Variants in PDE11A observed in about 807,000 individuals in gnomAD.
The protein encoded by PDE11A is dual 3',5'-cyclic-AMP and -GMP phosphodiesterase 11A.
A neutral mutation model predicts 100.5 loss-of-function variants in PDE11A; 100 were observed. The observed-to-expected ratio is 1.00, with a 90% confidence interval of 0.85 to 1.18. The LOEUF is 1.18. Ranked by LOEUF, PDE11A falls within the 50% of genes most tolerant of loss-of-function variation. The probability of loss-of-function intolerance (pLI) is 0.00; values close to 1 mark genes in which losing one functional copy is unlikely to be tolerated. For synonymous variants in PDE11A, 381 were observed against 420.8 expected (o/e 0.91, Z 1.16); for missense variants, 1,141 against 1,152.6 (o/e 0.99, Z 0.15).
At chr2:177,852,931 C>T (rs2083740445) in intron 5 of PDE11A, among the ~76,000 whole-genome samples, 1 of 152,202 alleles carries the variant, frequency 6.6e-6, no homozygotes, top group Non-Finnish European at 1.5e-5. Flanking sequence ...GAAATTAACA[C>T]ATGGTGACCA....
chr2:178,006,574 C>A (rs1384063320), intron 2 of PDE11A, among the ~76,000 whole-genome samples: 1 of 152,106 alleles, frequency 6.6e-6, no homozygotes, highest in Admixed American at 6.6e-5. Context: ...GAAGTTTAAC[C>A]TGAGTTCTGG....
chr2:177,637,721 T>C (rs1194791015), intron 19 of PDE11A, among the ~76,000 whole-genome samples: 1 of 150,836 alleles, frequency 6.6e-6, no homozygotes, highest in Non-Finnish European at 1.5e-5. Flanking sequence ...GTCTTTTCCC[T>C]CTGGGACTCT....
At chr2:177,873,455 T>A (rs1473360802) in intron 5 of PDE11A, among the ~76,000 whole-genome samples, 1 of 152,208 alleles carries the variant, frequency 6.6e-6, no homozygotes, top group Non-Finnish European at 1.5e-5. Context: ...TAAATATAGA[T>A]GTGAATATAA....
chr2:177,685,315 G>GA (rs1423256685), intron 15 of PDE11A, among the ~76,000 whole-genome samples: 2 of 152,158 alleles, frequency 1.3e-5, no homozygotes, highest in Non-Finnish European at 2.9e-5. Flanking sequence ...ATCTATTCAG[G>GA]AAAAGCCCTG....
intron 2 of PDE11A, among the ~76,000 whole-genome samples, chr2:177,942,403 A>T (rs944855732): frequency 9.4e-5 from 3 of 31,852 alleles, no homozygotes; most frequent in African/African-American, 1.7e-4. Context: ...ATTTTTTAAA[A>T]TTATTTTTTT....
intron 1 of PDE11A, among the ~76,000 whole-genome samples, chr2:178,061,815 T>C (rs1268830956): frequency 1.3e-5 from 2 of 152,256 alleles, no homozygotes; most frequent in Non-Finnish European, 2.9e-5. Flanking sequence ...TGGTTGATCC[T>C]GATTCTTTTT....
intron 2 of PDE11A, among the ~76,000 whole-genome samples, chr2:177,991,726 A>C (rs930721690): frequency 6.6e-6 from 1 of 151,376 alleles, no homozygotes; most frequent in Non-Finnish European, 1.5e-5. Context: ...AAGTCACATC[A>C]AACAACTTTT....
intron 10 of PDE11A, among the ~76,000 whole-genome samples, chr2:177,768,165 C>G (rs1254131013): frequency 6.6e-6 from 1 of 152,108 alleles, no homozygotes; most frequent in African/African-American, 2.4e-5. Flanking sequence ...TTTATCCCTA[C>G]TCTCAGTGTT....
chr2:177,878,675 G>A (rs2084279900), intron 4 of PDE11A, among the ~76,000 whole-genome samples: 1 of 152,056 alleles, frequency 6.6e-6, no homozygotes, highest in Non-Finnish European at 1.5e-5. Context: ...GGGGTTAAGT[G>A]GTTTGCTGGA....
intron 5 of PDE11A, among the ~76,000 whole-genome samples, chr2:177,873,694 G>A (rs1178776907): frequency 1.3e-5 from 2 of 151,950 alleles, no homozygotes; most frequent in African/African-American, 2.4e-5. Context: ...TCCTGTCCCT[G>A]GAAATGAACT....
intron 19 of PDE11A, among the ~76,000 whole-genome samples, chr2:177,660,586 A>T (rs2080472144): frequency 6.6e-6 from 1 of 152,168 alleles, no homozygotes; most frequent in South Asian, 2.1e-4. Context: ...GTTTTCCCTC[A>T]ATGTAGTAAA....
chr2:177,847,341 CT>C (rs2083617754), intron 5 of PDE11A, among the ~76,000 whole-genome samples: 1 of 152,156 alleles, frequency 6.6e-6, no homozygotes, highest in Non-Finnish European at 1.5e-5. Flanking sequence ...AACCAACTTT[CT>C]TGAGTCTAAA....
At chr2:177,679,751 G>T (rs2080832481) in intron 16 of PDE11A, among the ~76,000 whole-genome samples, 1 of 152,038 alleles carries the variant, frequency 6.6e-6, no homozygotes, top group Non-Finnish European at 1.5e-5. Flanking sequence ...TGTGTTTTTA[G>T]GTCTAGAAAG....
intron 2 of PDE11A, among the ~76,000 whole-genome samples, chr2:178,002,949 A>T (rs1443999332): frequency 2.6e-5 from 4 of 152,174 alleles, no homozygotes; most frequent in Non-Finnish European, 4.4e-5. Context: ...ACATGAAAGG[A>T]TGATCGACAT....
intron 3 of PDE11A, chr2:177,899,474 C>A: frequency 4.0e-6 from 1 of 251,858 alleles, no homozygotes; most frequent in Non-Finnish European, 8.4e-6. Context: ...ATAATGAATA[C>A]CTCCAAAGCA....
intron 15 of PDE11A, among the ~76,000 whole-genome samples, chr2:177,681,867 C>T (rs1346792596): frequency 2.6e-5 from 4 of 152,110 alleles, no homozygotes; most frequent in Admixed American, 6.5e-5. Flanking sequence ...ACAGCAGGCC[C>T]TAAAAGAAAT....
chr2:177,771,467 G>A (rs995302102), intron 9 of PDE11A, among the ~76,000 whole-genome samples: 1 of 152,100 alleles, frequency 6.6e-6, no homozygotes, highest in African/African-American at 2.4e-5. Context: ...AGGCTGCCAC[G>A]CCTCCACTTC....
At chr2:178,014,105 G>C (rs1442112579) in intron 2 of PDE11A, among the ~76,000 whole-genome samples, 197 bp downstream of exon 2, 1 of 152,048 alleles carries the variant, frequency 6.6e-6, no homozygotes, top group Non-Finnish European at 1.5e-5. Context: ...AAAAGATGAA[G>C]TAATTATTTT....
At chr2:177,982,782 C>T (rs916890249) in intron 2 of PDE11A, among the ~76,000 whole-genome samples, 6 of 150,960 alleles carry the variant, frequency 4.0e-5, no homozygotes, top group African/African-American at 1.4e-4. Flanking sequence ...TCTTGTTACA[C>T]TATAAAAATA....
Sources: gnomAD v4.1 joint callset for allele counts (sites outside exome capture counted in the v4.1 genomes callset) on GRCh38, gnomAD v4.1.1 for gene constraint, MANE v1.5 for transcripts, NCBI Gene and HGNC (gene_info 2026-07-23, HGNC 2026-07-21) for gene names.